Variants in FOXN3 observed in about 807,000 individuals in gnomAD.
FOXN3 encodes the protein forkhead box N3, also known as forkhead box protein N3.
In FOXN3, 7 loss-of-function variants were observed where a neutral mutation model predicts 38.4. That is an observed-to-expected ratio of 0.18 (90% CI 0.10 to 0.34). The LOEUF (loss-of-function observed/expected upper bound fraction) is 0.34, where lower values mean the gene tolerates loss of function less well. FOXN3 is among the 10% of genes least tolerant of loss of function. The pLI is 1.00. For missense variants in FOXN3, 456 were observed against 613.4 expected (o/e 0.74, Z 2.71); for synonymous variants, 230 against 242.2 (o/e 0.95, Z 0.47).
chr14:89,541,379 C>T (rs1894788280), intron 1 of FOXN3, among the ~76,000 whole-genome samples: 1 of 152,174 alleles, frequency 6.6e-6, no homozygotes, highest in African/African-American at 2.4e-5. Context: ...GCTGATAAAA[C>T]ACTTTGTGGT....
intron 3 of FOXN3, among the ~76,000 whole-genome samples, chr14:89,330,748 C>T (rs190121738): frequency 1.3e-5 from 2 of 152,318 alleles, no homozygotes; most frequent in Admixed American, 1.3e-4. Flanking sequence ...AGGTCATTGG[C>T]TAAGCATCAC....
At chr14:89,260,014 T>C (rs943417178) in intron 4 of FOXN3, among the ~76,000 whole-genome samples, 4 of 152,232 alleles carry the variant, frequency 2.6e-5, no homozygotes, top group Admixed American at 6.5e-5. Context: ...GGTCAGTCTA[T>C]GGGATTCTCT....
rs562229862 is a variant in FOXN3 at position 89,163,395 on chromosome 14, A to C, written c.852-426T>G. Among the ~76,000 whole-genome samples, 4 of 152,168 alleles carry C rather than the reference A, an allele frequency of 2.6e-5. No homozygotes were observed. Among genetic ancestry groups the C allele is most frequent in the African/African-American group, 9.7e-5 (4 of 41,446 alleles). The stretch of plus-strand genomic sequence containing the variant: ...GCCTGCTCTCGTCTGAAGCGGCTAC[A>C]TTAGGAGGCTTTTGTCAGAAGACTA... On this transcript the variant is annotated intron_variant, in intron 5 of 5. Coordinates refer to ENST00000557258, the MANE Select transcript of FOXN3 (RefSeq NM_005197.4). This position sits in a 1 kb window ranked among gnomAD's most constrained non-coding sequence, Gnocchi z 4.3.
At chr14:89,510,620 G>T (rs1170636727) in intron 1 of FOXN3, among the ~76,000 whole-genome samples, 1 of 152,126 alleles carries the variant, frequency 6.6e-6, no homozygotes, top group Non-Finnish European at 1.5e-5. Context: ...GCGACAGGAA[G>T]TTGTCAGAGT....
At chr14:89,392,846 G>A (rs113429709) in intron 2 of FOXN3, among the ~76,000 whole-genome samples, 28,835 of 143,942 alleles carry the variant, frequency 0.2, 2,968 homozygotes, top group South Asian at 0.39. Flanking sequence ...TCGCTCTGTC[G>A]CCCAGGCTGG....
Position 89,511,172 on chromosome 14 carries a change from T to TC in FOXN3, c.-14-98683dup, listed in dbSNP as rs773802690. 6.0e-3 allele frequency among the ~76,000 whole-genome samples: 212 copies of TC among 35,518 alleles called. 5 individuals carry two copies. The highest frequency in any genetic ancestry group is 0.021 in the East Asian group (29 of 1,402). 23.3% of individuals were successfully genotyped at this position (35,518 alleles called of 152,430 possible). A position where few individuals can be genotyped will look rare whatever the true frequency, so the allele number is the denominator to read the frequency against. ...TTCTTTCTTTCTTTCTTTCTTTCTT[T>TC]CTTTCTTTCTTTCTTTCTTTTCTTT... On this transcript the variant is annotated intron_variant, in intron 1 of 6. Transcript: ENST00000345097.
At chr14:89,323,636 T>C (rs1165952568) in intron 3 of FOXN3, among the ~76,000 whole-genome samples, 1 of 151,866 alleles carries the variant, frequency 6.6e-6, no homozygotes, top group Non-Finnish European at 1.5e-5. Context: ...GGAGAATTGC[T>C]TGAACCCAGG....
At chr14:89,248,430 T>G (rs1885357718) in intron 4 of FOXN3, among the ~76,000 whole-genome samples, 1 of 152,306 alleles carries the variant, frequency 6.6e-6, no homozygotes, top group Middle Eastern at 3.4e-3. Context: ...TTATTAATAC[T>G]CTCCCCATCC....
intron 3 of FOXN3, among the ~76,000 whole-genome samples, chr14:89,347,828 T>C (rs1467751100): frequency 1.3e-5 from 2 of 152,150 alleles, no homozygotes; most frequent in African/African-American, 4.8e-5. Context: ...GGCGCCTGCC[T>C]GTAGTCCCAG....
chr14:89,177,622 G>C (rs954629496), intron 5 of FOXN3, among the ~76,000 whole-genome samples: 4 of 152,128 alleles, frequency 2.6e-5, no homozygotes, highest in African/African-American at 9.7e-5. Context: ...GGGTGCCATA[G>C]AGAGACTGAG....
chr14:89,416,521 C>T (rs1008083364), intron 1 of FOXN3, among the ~76,000 whole-genome samples: 1 of 152,098 alleles, frequency 6.6e-6, no homozygotes, highest in Non-Finnish European at 1.5e-5. Flanking sequence ...TTGTTAGGAG[C>T]CTGTTTCTCA....
intron 2 of FOXN3, among the ~76,000 whole-genome samples, chr14:89,401,929 A>ATG (rs1891260559): frequency 6.6e-6 from 1 of 152,204 alleles, no homozygotes; most frequent in Non-Finnish European, 1.5e-5. Flanking sequence ...TGGGAAGCGT[A>ATG]TAGCCTCTCT....
At chr14:89,467,806 T>C (rs865934550) in intron 1 of FOXN3, among the ~76,000 whole-genome samples, 26 of 116,798 alleles carry the variant, frequency 2.2e-4, no homozygotes, top group African/African-American at 8.3e-4. Context: ...CTTTCTTTGT[T>C]TTTTTTTTTT....
At chr14:89,351,904 T>C (rs562041556) in intron 2 of FOXN3, among the ~76,000 whole-genome samples, 1 of 152,216 alleles carries the variant, frequency 6.6e-6, no homozygotes, top group Non-Finnish European at 1.5e-5. Context: ...AAGTTACTCC[T>C]AAAATCTTTT....
At chr14:89,604,206 A>AACACAC (rs58288291) in intron 1 of FOXN3, among the ~76,000 whole-genome samples, 99 of 146,890 alleles carry the variant, frequency 6.7e-4, no homozygotes, top group Non-Finnish European at 8.9e-4. Flanking sequence ...AGCAAAACAA[A>AACACAC]ACACACACAC....
intron 3 of FOXN3, among the ~76,000 whole-genome samples, chr14:89,283,359 C>T (rs1424470363): frequency 1.3e-5 from 2 of 152,138 alleles, no homozygotes; most frequent in African/African-American, 2.4e-5. Flanking sequence ...ACCAGCAATG[C>T]CTATAGACAG....
At chr14:89,304,724 G>A (rs1040974848) in intron 3 of FOXN3, among the ~76,000 whole-genome samples, 15 of 152,118 alleles carry the variant, frequency 9.9e-5, no homozygotes, top group East Asian at 5.8e-4. Context: ...CATTCAACCC[G>A]GCTGCTCCTC....
intron 4 of FOXN3, among the ~76,000 whole-genome samples, chr14:89,204,026 T>C (rs17716753): frequency 0.028 from 4,123 of 149,130 alleles, 79 homozygotes; most frequent in Non-Finnish European, 0.046. Flanking sequence ...CAGAAAGAAA[T>C]ACCGGTATAA....
At chr14:89,325,548 T>TA (rs1192211438) in intron 3 of FOXN3, among the ~76,000 whole-genome samples, 1 of 152,244 alleles carries the variant, frequency 6.6e-6, no homozygotes, top group African/African-American at 2.4e-5. Flanking sequence ...AACCACCCTC[T>TA]TTGTTAAAGG....
Sources: allele counts gnomAD v4.1 joint callset (sites outside exome capture counted in the v4.1 genomes callset), GRCh38; gene constraint gnomAD v4.1.1; non-coding constraint Gnocchi (gnomAD v3.1); transcripts MANE v1.5; gene names NCBI Gene and HGNC (gene_info 2026-07-23, HGNC 2026-07-21).